Variants in MANBA observed in about 807,000 individuals in gnomAD.
MANBA encodes mannosidase beta, also known as beta-mannosidase.
MANBA carries 83 observed loss-of-function variants against 111.1 expected under a neutral mutation model. The observed-to-expected ratio is 0.75, with a 90% CI of 0.63 to 0.90. The LOEUF (loss-of-function observed/expected upper bound fraction) is 0.90. MANBA is among the 40% of genes least tolerant of loss of function. The pLI, the probability that MANBA is intolerant of heterozygous loss-of-function variation, is 0.00. For synonymous variants in MANBA, 370 were observed against 378.7 expected (o/e 0.98, Z 0.27); for missense variants, 1,036 against 1,069.0 (o/e 0.97, Z 0.43).
At chr4:102,653,918 G>A (rs1157029800) in intron 12 of MANBA, among the ~76,000 whole-genome samples, 1 of 152,054 alleles carries the variant, frequency 6.6e-6, no homozygotes, top group East Asian at 1.9e-4. Flanking sequence ...GTCGAGAATG[G>A]GAAGGAAGGA....
chr4:102,631,733 C>A lies in MANBA; in HGVS notation c.*324G>T. 1.8e-6 allele frequency: 1 copy of A among 561,336 alleles called. No homozygotes were observed. Among genetic ancestry groups the A allele is most frequent in the Non-Finnish European group, 3.1e-6 (1 of 318,696 alleles). The allele number at this position is 561,336 out of a possible 1,614,324, so 34.8% of individuals were successfully genotyped here. On this transcript the variant is annotated 3_prime_UTR_variant, in exon 17 of 17. Transcript: ENST00000647097. The stretch of plus-strand genomic sequence containing the variant: ...TTTGGTTCCATAGATCCTGCCATGT[C>A]ACATTCTTGTAACCAGCTGCAGGGC...
At chr4:102,633,382 G>T in intron 16 of MANBA, 1 of 398,706 alleles carries the variant, frequency 2.5e-6, no homozygotes, top group Non-Finnish European at 4.4e-6. Context: ...CGAAAGAGAT[G>T]CTGGTGTCAT....
At chr4:102,701,921 G>A (rs1733069879) in intron 5 of MANBA, among the ~76,000 whole-genome samples, 1 of 151,672 alleles carries the variant, frequency 6.6e-6, no homozygotes, top group Admixed American at 6.6e-5. Flanking sequence ...TGCTAGATTG[G>A]CAAAGTTCTC....
At position 102,668,998 on chromosome 4, in the gene MANBA, A is replaced by G; in HGVS notation, c.1282T>C (p.Phe428Leu). 1 of 1,613,880 alleles carries G rather than the reference A, an allele frequency of 6.2e-7. No homozygotes were observed. The highest frequency in any genetic ancestry group is 8.5e-7 in the Non-Finnish European group (1 of 1,179,870). ...ACALYPTDQG[F>L]LDSVTAEVAY... is the part of the protein sequence containing the mutation. ...ACTTCTGCTGTCACTGAATCCAGGAAGCCCTGATCAGTTGGATAAAGGGCA... is the reference window on the plus strand; with the variant it reads ...ACTTCTGCTGTCACTGAATCCAGGAGGCCCTGATCAGTTGGATAAAGGGCA... Residue 428 changes from phenylalanine (F) to leucine (L), a missense_variant, in exon 10 of 17, where the codon TTC (phenylalanine) becomes CTC (leucine). Phe to Leu is a conservative substitution (Grantham distance 22). Transcript: ENST00000647097.
chr4:102,722,889 A>G lies in MANBA; in HGVS notation c.531T>C (p.His177=), dbSNP rs149902075. The G allele has an allele frequency of 8.7e-4, 1,400 of 1,614,176 alleles. 1 individual carries two copies. Among genetic ancestry groups the G allele is most frequent in the Non-Finnish European group, 1.1e-3 (1,283 of 1,179,996 alleles). The change falls in exon 4 of 17, where the codon CAT becomes CAC. Residue 177 remains histidine (H), a synonymous_variant. Coordinates refer to ENST00000647097, the MANE Select transcript of MANBA (RefSeq NM_005908.4). ...CPPLVQKGEC[H]VNFVRKEQCS... is the part of the protein sequence containing the mutation. ...CCATTACCTTCCGAACAAAGTTGAC[A>G]TGGCATTCACCCTTCTGCACAAGTG...
At chr4:102,735,188 A>T (rs1723168740) in intron 1 of MANBA, among the ~76,000 whole-genome samples, 1 of 152,210 alleles carries the variant, frequency 6.6e-6, no homozygotes, top group Non-Finnish European at 1.5e-5. Flanking sequence ...CAGACAGCCC[A>T]GGCCAGGGTA....
At chr4:102,749,743 A>T (rs961366945) in intron 1 of MANBA, among the ~76,000 whole-genome samples, 1 of 152,236 alleles carries the variant, frequency 6.6e-6, no homozygotes, top group African/African-American at 2.4e-5. Flanking sequence ...ACAAGTGCAC[A>T]TGAAAGGGCC....
chr4:102,678,731 A>C (rs1244096070), intron 7 of MANBA, among the ~76,000 whole-genome samples: 1 of 152,234 alleles, frequency 6.6e-6, no homozygotes, highest in Non-Finnish European at 1.5e-5. Context: ...ATTAACTTTA[A>C]AAGTGCAGGA....
intron 1 of MANBA, chr4:102,728,887 G>T (rs1722915522): frequency 8.0e-6 from 6 of 753,714 alleles, no homozygotes; most frequent in African/African-American, 1.7e-5. Context: ...GGCTTGGGAG[G>T]CCCCCACAGG....
At chr4:102,731,287 C>T (rs941713296) in intron 1 of MANBA, among the ~76,000 whole-genome samples, 17 of 152,188 alleles carry the variant, frequency 1.1e-4, no homozygotes, top group Non-Finnish European at 4.4e-5. Context: ...AGCCAGCAGT[C>T]TCTCATTGCC....
intron 1 of MANBA, among the ~76,000 whole-genome samples, chr4:102,733,874 T>C (rs1433840603): frequency 2.6e-5 from 4 of 152,256 alleles, no homozygotes; most frequent in Non-Finnish European, 4.4e-5. Flanking sequence ...ACTACATTTG[T>C]TGTAATTTTG....
intron 1 of MANBA, among the ~76,000 whole-genome samples, chr4:102,732,540 C>T (rs375120721): frequency 6.6e-6 from 1 of 152,228 alleles, no homozygotes; most frequent in African/African-American, 2.4e-5. Context: ...GTATCAAGAT[C>T]AAGATAGGTA....
intron 10 of MANBA, chr4:102,665,184 T>A (rs1731164560): frequency 3.8e-6 from 1 of 263,990 alleles, no homozygotes; most frequent in South Asian, 4.3e-5. Flanking sequence ...CAAAGAAAAC[T>A]TTCAGGAAAT....
chr4:102,751,527 G>A lies in MANBA; in HGVS notation c.177+9191C>T, dbSNP rs61213019. 0.014 allele frequency: 7,262 copies of A among 531,228 alleles called. 364 individuals are homozygous for A. In the East Asian group the frequency reaches 0.14, roughly 10 times the overall value. 32.9% of individuals were successfully genotyped at this position (531,228 alleles called of 1,614,324 possible). A position where few individuals can be genotyped will look rare whatever the true frequency, so the allele number is the denominator to read the frequency against. On this transcript the variant is annotated intron_variant, in intron 1 of 16. Transcript: ENST00000647097. ...TAACATCATCAATAAATTACTAAAG[G>A]ACAAAAATGAGTTCCACAAACATAT...
chr4:102,643,077 C>T (rs1271116352), intron 13 of MANBA, among the ~76,000 whole-genome samples: 1 of 152,078 alleles, frequency 6.6e-6, no homozygotes, highest in East Asian at 1.9e-4. Flanking sequence ...TTTCATCACC[C>T]CAAAAAGAAA....
chr4:102,650,019 C>T (rs1317632320), intron 13 of MANBA, among the ~76,000 whole-genome samples: 1 of 152,142 alleles, frequency 6.6e-6, no homozygotes, highest in Non-Finnish European at 1.5e-5. Context: ...GTAGTTGGGA[C>T]TACAGGTGTG....
intron 13 of MANBA, among the ~76,000 whole-genome samples, chr4:102,646,318 G>A (rs937855837): frequency 1.3e-4 from 20 of 152,004 alleles, no homozygotes; most frequent in Non-Finnish European, 1.9e-4. Context: ...GTATGACCTG[G>A]ATCTTCCATC....
Position 102,635,957 on chromosome 4 carries a change from C to G in MANBA, c.2065G>C (p.Ala689Pro), listed in dbSNP as rs769323597. 1.9e-6 allele frequency: 3 copies of G among 1,613,054 alleles called. No homozygotes were observed. In the African/African-American group the frequency reaches 4.0e-5, roughly 22 times the overall value. The change falls in exon 15 of 17, where the codon GCT becomes CCT. Residue 689 changes from alanine (A) to proline (P), a missense_variant. Ala to Pro is a conservative substitution (Grantham distance 27). Transcript: ENST00000647097. ...MLHYFAQNFF[A>P]PLLPVGFENE... is the part of the protein sequence containing the mutation. ...TCAAAGCCTACTGGCAACAGTGGAG[C>G]AAAGAAATTCTGAGCAAAGTAATGA...
intron 5 of MANBA, among the ~76,000 whole-genome samples, chr4:102,706,171 A>G (rs1042680506): frequency 6.6e-6 from 1 of 151,950 alleles, no homozygotes; most frequent in Non-Finnish European, 1.5e-5. Flanking sequence ...ACTCACTAAC[A>G]CCAGTGCCAG....
Sources: gnomAD v4.1 joint callset for allele counts (sites outside exome capture counted in the v4.1 genomes callset) on GRCh38, gnomAD v4.1.1 for gene constraint, MANE v1.5 for transcripts, NCBI Gene and HGNC (gene_info 2026-07-23, HGNC 2026-07-21) for gene names.